The following LMAN2L variants were observed in gnomAD, a reference collection of about 807,000 sequenced individuals.
The protein encoded by LMAN2L is VIP36-like protein.
LMAN2L carries 30 observed loss-of-function variants against 44.3 expected under a neutral mutation model. The observed-to-expected ratio is 0.68, with a 90% CI of 0.51 to 0.92. LMAN2L has a LOEUF of 0.92. Ranked by LOEUF, LMAN2L falls within the 40% of genes least tolerant of loss-of-function variation. LMAN2L has a pLI of 0.00. For missense variants in LMAN2L, 429 were observed against 446.1 expected (o/e 0.96, Z 0.35); for synonymous variants, 183 against 171.1 (o/e 1.07, Z -0.54).
At chr2:96,712,251 T>C (rs2077942999) in intron 4 of LMAN2L, among the ~76,000 whole-genome samples, 1 of 152,230 alleles carries the variant, frequency 6.6e-6, no homozygotes, top group African/African-American at 2.4e-5. Flanking sequence ...GTAATTCTCT[T>C]GGCTCCTGAA....
rs199520249 is a variant in LMAN2L at position 96,740,013 on chromosome 2, A to G, written c.28T>C (p.Ser10Pro). Reference protein sequence around the residue: MAATLGPLGSWQQWRRCLSA... With the variant: MAATLGPLGPWQQWRRCLSA... ...AAACATCGCCGCCACTGCTGCCACG[A>G]CCCAAGGGGTCCCAGAGTCGCCGCC... Residue 10 changes from serine to proline, a missense_variant, in exon 1 of 8, where the codon TCG becomes CCG. Physicochemically the swap from Ser to Pro is moderately conservative, Grantham distance 74 (BLOSUM62 -1). Transcript: ENST00000264963. The G allele has an allele frequency of 7.3e-5, 118 of 1,611,984 alleles. No individual in the cohort carries two copies. Among genetic ancestry groups the G allele is most frequent in the Non-Finnish European group, 8.1e-5 (96 of 1,179,530 alleles).
intron 4 of LMAN2L, among the ~76,000 whole-genome samples, chr2:96,713,515 G>T (rs1009601387): frequency 6.6e-6 from 1 of 152,138 alleles, no homozygotes; most frequent in Non-Finnish European, 1.5e-5. Flanking sequence ...ATGTCTCTGG[G>T]AGTCAGTCTC....
rs1171905521 is a variant in LMAN2L at position 96,738,075 on chromosome 2, A to C, written c.188-8T>G. 6.3e-7 allele frequency: 1 copy of C among 1,588,848 alleles called. No individual in the cohort carries two copies. ...AACTGCCTGTGCCCACACCTACAGG[A>C]AGGAAGTAGATCAGTTCATACTTTT... On this transcript the variant is annotated splice_polypyrimidine_tract_variant and splice_region_variant and intron_variant, in intron 1 of 7. Transcript: ENST00000264963.
In LMAN2L at chr2:96,723,939, T is replaced by TA. The variant is rs1160596972; in HGVS notation, c.507+9579dup. Among the ~76,000 whole-genome samples, 86 of 145,916 alleles carry TA rather than the reference T, an allele frequency of 5.9e-4. 1 individual carries two copies. Among genetic ancestry groups the TA allele is most frequent in the East Asian group, 1.6e-3 (8 of 5,048 alleles). On this transcript the variant is annotated intron_variant, in intron 4 of 7. Transcript: ENST00000264963. ...CCATCTCTACTAAAAACATATATAT[T>TA]AAAAAAAAAAATAGCCAGGCGTGGT...
intron 3 of LMAN2L, among the ~76,000 whole-genome samples, chr2:96,734,001 C>A (rs927962645): frequency 1.3e-5 from 2 of 152,166 alleles, no homozygotes; most frequent in Non-Finnish European, 2.9e-5. Context: ...TCAGGTTGAG[C>A]CTGCCATCTA....
chr2:96,735,450 C>G (rs2078493196), intron 2 of LMAN2L, among the ~76,000 whole-genome samples: 1 of 152,166 alleles, frequency 6.6e-6, no homozygotes, highest in African/African-American at 2.4e-5. Flanking sequence ...ATTGGGTACT[C>G]CTGCATTGAG....
At chr2:96,708,621 G>A (rs187128990) in intron 6 of LMAN2L, among the ~76,000 whole-genome samples, 112 of 152,228 alleles carry the variant, frequency 7.4e-4, no homozygotes, top group African/African-American at 1.0e-3. Context: ...CAGCTTCCCC[G>A]CTGGTGAAGA....
chr2:96,714,897 CAA>C (rs773235247), intron 4 of LMAN2L, among the ~76,000 whole-genome samples: 1 of 152,142 alleles, frequency 6.6e-6, no homozygotes, highest in South Asian at 2.1e-4. Context: ...GTCCCTCAGT[CAA>C]AGAGTCTCAT....
chr2:96,717,547 A>AG (rs1433297643), intron 4 of LMAN2L, among the ~76,000 whole-genome samples: 7 of 151,642 alleles, frequency 4.6e-5, no homozygotes, highest in African/African-American at 1.7e-4. Context: ...AAAAAAAAAA[A>AG]AAAAAAGGAC....
intron 4 of LMAN2L, among the ~76,000 whole-genome samples, chr2:96,726,585 C>T (rs2078276967): frequency 6.6e-6 from 1 of 151,672 alleles, no homozygotes; most frequent in Non-Finnish European, 1.5e-5. Flanking sequence ...GAGTTTGAGA[C>T]CAGCCTGGCA....
At chr2:96,737,373 G>A (rs58361269) in intron 2 of LMAN2L, among the ~76,000 whole-genome samples, 34,787 of 152,206 alleles carry the variant, frequency 0.23, 5,337 homozygotes, top group Non-Finnish European at 0.32. Context: ...CTCTCAACCA[G>A]GACCGGTGGC....
chr2:96,707,390 G>A lies in LMAN2L; in HGVS notation c.913C>T (p.Pro305Ser). 1 of 1,611,428 alleles carries A rather than the reference G, an allele frequency of 6.2e-7. No homozygotes were observed. Among genetic ancestry groups the A allele is most frequent in the Non-Finnish European group, 8.5e-7 (1 of 1,178,748 alleles). ...DNMKLPEMTA[P>S]LPPLSGLALF... is the part of the protein sequence containing the mutation. ...GCCAGGCCACTCAGGGGCGGCAGTGGAGCTGTCACTGAGGAAGCAAGAGAG... is the reference window on the plus strand; with the variant it reads ...GCCAGGCCACTCAGGGGCGGCAGTGAAGCTGTCACTGAGGAAGCAAGAGAG... The change falls in exon 8 of 8, where the codon CCA (proline) becomes TCA (serine). Residue 305 changes from proline (P) to serine (S), a missense_variant. Physicochemically the swap from Pro to Ser is moderately conservative, Grantham distance 74. Coordinates refer to ENST00000264963, the MANE Select transcript of LMAN2L (RefSeq NM_030805.4).
intron 4 of LMAN2L, among the ~76,000 whole-genome samples, chr2:96,713,410 C>T (rs2077970856): frequency 6.6e-6 from 1 of 152,014 alleles, no homozygotes; most frequent in African/African-American, 2.4e-5. Context: ...AAGGGGTCCC[C>T]TAGGAAGACC....
At chr2:96,725,034 T>C (rs935228467) in intron 4 of LMAN2L, among the ~76,000 whole-genome samples, 3 of 151,994 alleles carry the variant, frequency 2.0e-5, no homozygotes, top group Admixed American at 6.6e-5. Flanking sequence ...GGTTTCACCG[T>C]GTTACCCAGG....
chr2:96,708,649 C>T (rs2077840454), intron 6 of LMAN2L, among the ~76,000 whole-genome samples: 1 of 151,886 alleles, frequency 6.6e-6, no homozygotes, highest in Admixed American at 6.6e-5. Flanking sequence ...CGTGCACACA[C>T]ACACACGTAC....
Position 96,737,945 on chromosome 2 carries a change from T to C in LMAN2L, c.306+4A>G, listed in dbSNP as rs1231272693. The C allele has an allele frequency of 1.9e-6, 3 of 1,597,866 alleles. No homozygotes were observed. The highest frequency in any genetic ancestry group is 2.6e-6 in the Non-Finnish European group (3 of 1,165,198). On this transcript the variant is annotated splice_donor_region_variant and intron_variant, in intron 2 of 7. Coordinates refer to ENST00000264963, the MANE Select transcript of LMAN2L (RefSeq NM_030805.4). ...ACCAACACAGGAGGGAGAAAGATTCTTACCACCCGGTTCCACAAGGCACCC... is the reference window on the plus strand; with the variant it reads ...ACCAACACAGGAGGGAGAAAGATTCCTACCACCCGGTTCCACAAGGCACCC...
chr2:96,711,591 C>G, intron 6 of LMAN2L, 65 bp downstream of exon 6: 1 of 1,090,994 alleles, frequency 9.2e-7, no homozygotes, highest in South Asian at 1.3e-5. Flanking sequence ...TGAGAGGCCT[C>G]AATGAAGTGT....
chr2:96,730,979 T>A (rs898171253), intron 4 of LMAN2L, among the ~76,000 whole-genome samples: 21 of 152,032 alleles, frequency 1.4e-4, no homozygotes, highest in African/African-American at 4.6e-4. Context: ...AGCCTCATCA[T>A]CCCCTCTCTT....
At chr2:96,720,749 G>A (rs912556221) in intron 4 of LMAN2L, among the ~76,000 whole-genome samples, 1 of 152,066 alleles carries the variant, frequency 6.6e-6, no homozygotes, top group African/African-American at 2.4e-5. Context: ...GACCAGCCTG[G>A]GCAACATGGT....
Sources: allele counts gnomAD v4.1 joint callset (sites outside exome capture counted in the v4.1 genomes callset), GRCh38; gene constraint gnomAD v4.1.1; transcripts MANE v1.5; gene names NCBI Gene and HGNC (gene_info 2026-07-23, HGNC 2026-07-21).